The following PCDH15 variants were observed in gnomAD, a reference collection of about 807,000 sequenced individuals.
The protein encoded by PCDH15 is protocadherin related 15.
PCDH15 carries 129 observed loss-of-function variants against 178.5 expected under a neutral mutation model. That is an observed-to-expected ratio of 0.72 (90% CI 0.63 to 0.84). The LOEUF (loss-of-function observed/expected upper bound fraction) is 0.84, where lower values mean the gene tolerates loss of function less well. PCDH15 is among the 40% of genes least tolerant of loss of function. The pLI is 0.00. For missense variants in PCDH15, 2,230 were observed against 2,099.9 expected (o/e 1.06, Z -1.21); for synonymous variants, 800 against 732.0 (o/e 1.09, Z -1.50).
chr10:54,845,401 C>G (rs1238673741), intron 3 of PCDH15, among the ~76,000 whole-genome samples: 1 of 151,968 alleles, frequency 6.6e-6, no homozygotes, highest in African/African-American at 2.4e-5. Context: ...TACTTGCTTC[C>G]TCGATCAAGG....
At chr10:54,004,212 TG>T (rs2092296775) in intron 20 of PCDH15, among the ~76,000 whole-genome samples, 1 of 152,108 alleles carries the variant, frequency 6.6e-6, no homozygotes, top group African/African-American at 2.4e-5. Flanking sequence ...AAGCCTTTCC[TG>T]TACGATCTGG....
chr10:54,296,131 C>T (rs1172779064), intron 8 of PCDH15, among the ~76,000 whole-genome samples: 10 of 91,356 alleles, frequency 1.1e-4, no homozygotes, highest in African/African-American at 3.9e-4. Flanking sequence ...GGCGACAGAG[C>T]GAGACTCCGT....
chr10:55,081,432 A>G (rs895388601), intron 2 of PCDH15, among the ~76,000 whole-genome samples: 4 of 152,026 alleles, frequency 2.6e-5, no homozygotes, highest in Admixed American at 2.0e-4. Flanking sequence ...TCCTATTACC[A>G]TTACCTTGGG....
At chr10:55,517,529 A>G (rs1243531276) in intron 2 of PCDH15, among the ~76,000 whole-genome samples, 1 of 152,196 alleles carries the variant, frequency 6.6e-6, no homozygotes, top group African/African-American at 2.4e-5. Context: ...GTTTTAGTAA[A>G]TAAAAAATAA....
chr10:55,041,951 C>T (rs1276185872), intron 2 of PCDH15, among the ~76,000 whole-genome samples: 38 of 152,010 alleles, frequency 2.5e-4, no homozygotes, highest in Admixed American at 2.4e-3. Context: ...TTTAACTGAA[C>T]ATTTTTTACT....
intron 3 of PCDH15, among the ~76,000 whole-genome samples, chr10:54,508,648 G>C (rs2081372116): frequency 6.6e-6 from 1 of 152,064 alleles, no homozygotes; most frequent in Non-Finnish European, 1.5e-5. Flanking sequence ...ATGGTTATAG[G>C]GGTGTTCATC....
At chr10:54,269,437 A>T (rs969180100) in intron 8 of PCDH15, among the ~76,000 whole-genome samples, 3 of 151,978 alleles carry the variant, frequency 2.0e-5, no homozygotes, top group African/African-American at 7.2e-5. Context: ...GTTAAAAAAG[A>T]TGAAAAACAA....
intron 2 of PCDH15, among the ~76,000 whole-genome samples, chr10:55,132,599 T>C (rs1362899638): frequency 6.6e-6 from 1 of 152,160 alleles, no homozygotes; most frequent in Non-Finnish European, 1.5e-5. Context: ...TGAAAGATAA[T>C]TAAATGTTCG....
intron 1 of PCDH15, among the ~76,000 whole-genome samples, chr10:55,317,858 A>G (rs1210372355): frequency 6.6e-6 from 1 of 152,182 alleles, no homozygotes; most frequent in African/African-American, 2.4e-5. Flanking sequence ...GGAACTGGAA[A>G]GGCACCTTCT....
chr10:54,947,999 G>C (rs1838234809), intron 2 of PCDH15, among the ~76,000 whole-genome samples: 1 of 151,710 alleles, frequency 6.6e-6, no homozygotes, highest in Non-Finnish European at 1.5e-5. Context: ...CTTCTTCATA[G>C]ACTATTTGTA....
chr10:55,001,692 C>T (rs1839798992), intron 2 of PCDH15, among the ~76,000 whole-genome samples: 1 of 152,106 alleles, frequency 6.6e-6, no homozygotes, highest in Admixed American at 6.6e-5. Flanking sequence ...CCTGGCTCAC[C>T]CTTGGAAGGT....
At chr10:55,181,845 G>GT (rs1839657622) in intron 1 of PCDH15, among the ~76,000 whole-genome samples, 2 of 151,858 alleles carry the variant, frequency 1.3e-5, no homozygotes, top group Non-Finnish European at 2.9e-5. Context: ...ATTTAAGTAG[G>GT]ATTTTATAAA....
intron 3 of PCDH15, among the ~76,000 whole-genome samples, chr10:54,848,879 T>C (rs1196611050): frequency 6.6e-6 from 1 of 152,176 alleles, no homozygotes; most frequent in Admixed American, 6.6e-5. Context: ...AGCTGAATCA[T>C]ACAACATTAT....
intron 2 of PCDH15, among the ~76,000 whole-genome samples, chr10:55,403,792 TTG>T: frequency 6.6e-6 from 1 of 152,034 alleles, no homozygotes; most frequent in East Asian, 1.9e-4. Context: ...CAGTATTGCT[TTG>T]TCTGTTTGAC....
intron 6 of PCDH15, among the ~76,000 whole-genome samples, chr10:54,336,935 G>A (rs1012923135): frequency 6.6e-6 from 1 of 152,148 alleles, no homozygotes; most frequent in Non-Finnish European, 1.5e-5. Flanking sequence ...AAGCAACAGG[G>A]GTGGAGCTGC....
At chr10:53,890,147 G>A (rs1042700620) in intron 26 of PCDH15, among the ~76,000 whole-genome samples, 5 of 152,190 alleles carry the variant, frequency 3.3e-5, no homozygotes, top group Non-Finnish European at 5.9e-5. Context: ...ATTCTTTTAG[G>A]CTGGGCACAG....
At chr10:54,241,666 A>G (rs1283794239) in intron 8 of PCDH15, among the ~76,000 whole-genome samples, 3 of 152,150 alleles carry the variant, frequency 2.0e-5, no homozygotes, top group Non-Finnish European at 2.9e-5. Flanking sequence ...TGATAAGCAT[A>G]TATTAGAAGC....
chr10:55,523,865 G>A (rs555862817), intron 2 of PCDH15, among the ~76,000 whole-genome samples: 38 of 151,670 alleles, frequency 2.5e-4, no homozygotes, highest in Admixed American at 2.4e-3. Context: ...TTTGAGGATA[G>A]TAATGTCATC....
chr10:53,823,205 C>T, intron 32 of PCDH15: 3 of 1,613,998 alleles, frequency 1.9e-6, no homozygotes, highest in Non-Finnish European at 2.5e-6. Flanking sequence ...TTGCAGACTT[C>T]AGTTTGTTGC....
Sources: gnomAD v4.1 joint callset for allele counts (sites outside exome capture counted in the v4.1 genomes callset) on GRCh38, gnomAD v4.1.1 for gene constraint, MANE v1.5 for transcripts, NCBI Gene and HGNC (gene_info 2026-07-23, HGNC 2026-07-21) for gene names.